Variants in SLC9C1 observed in about 807,000 individuals in gnomAD.
The protein encoded by SLC9C1 is sodium/hydrogen exchanger 10.
SLC9C1 carries 97 observed loss-of-function variants against 140.9 expected under a neutral mutation model. That is an observed-to-expected ratio of 0.69 (90% confidence interval 0.58 to 0.82). The LOEUF (loss-of-function observed/expected upper bound fraction) is 0.82, where lower values mean the gene tolerates loss of function less well. Ranked by LOEUF, SLC9C1 falls within the 40% of genes least tolerant of loss-of-function variation. SLC9C1 has a pLI of 0.00. For synonymous variants in SLC9C1, 440 were observed against 442.6 expected (o/e 0.99, Z 0.07); for missense variants, 1,340 against 1,389.3 (o/e 0.96, Z 0.56).
intron 26 of SLC9C1, among the ~76,000 whole-genome samples, chr3:112,165,486 A>C (rs2077108061): frequency 6.6e-6 from 1 of 152,054 alleles, no homozygotes; most frequent in Admixed American, 6.5e-5. Flanking sequence ...TTTCCTTCTA[A>C]CAGTCAGGAC....
intron 20 of SLC9C1, 39 bp from the exon 21 acceptor site, chr3:112,182,297 G>T (rs1476990987): frequency 3.2e-6 from 5 of 1,569,976 alleles, no homozygotes; most frequent in Non-Finnish European, 4.3e-6. Flanking sequence ...GAACCAAACT[G>T]CTGTTCCCAG....
intron 21 of SLC9C1, among the ~76,000 whole-genome samples, chr3:112,181,135 A>ACC (rs2077432421): frequency 6.6e-6 from 1 of 152,254 alleles, no homozygotes; most frequent in Admixed American, 6.5e-5. Context: ...TATTAGTAAT[A>ACC]AGTTTGTAAC....
At chr3:112,280,889 A>ACCTGTTTTCT in intron 2 of SLC9C1, 106 bp from the exon 3 acceptor site, 1 of 955,342 alleles carries the variant, frequency 1.0e-6, no homozygotes, top group South Asian at 1.5e-5. Context: ...CAGTTTCACT[A>ACCTGTTTTCT]CTTTTCATGA....
intron 16 of SLC9C1, 88 bp downstream of exon 16, chr3:112,208,090 T>C (rs1229973083): frequency 4.8e-6 from 5 of 1,047,880 alleles, no homozygotes; most frequent in South Asian, 4.5e-5. Flanking sequence ...CTTCAGAAAA[T>C]TGTCTGTTGC....
intron 16 of SLC9C1, 137 bp from the exon 17 acceptor site, chr3:112,204,540 A>T (rs2077993488): frequency 2.5e-6 from 2 of 809,482 alleles, no homozygotes; most frequent in Non-Finnish European, 3.7e-6. Context: ...GGAAACCAAA[A>T]TCAAACAAAC....
chr3:112,218,461 C>T (rs1157359185), intron 14 of SLC9C1, among the ~76,000 whole-genome samples: 1 of 150,022 alleles, frequency 6.7e-6, no homozygotes, highest in Non-Finnish European at 1.5e-5. Flanking sequence ...TTTTTTACTA[C>T]AGGGATACTA....
chr3:112,191,433 A>G (rs994790809), intron 20 of SLC9C1, among the ~76,000 whole-genome samples: 2 of 152,206 alleles, frequency 1.3e-5, no homozygotes, highest in South Asian at 2.1e-4. Flanking sequence ...TGCCTTTTCT[A>G]TATCAATTGG....
chr3:112,186,048 T>C, intron 20 of SLC9C1: 1 of 1,233,644 alleles, frequency 8.1e-7, no homozygotes, highest in Non-Finnish European at 1.1e-6. Context: ...TATCTTCCGC[T>C]GCACAGTGCA....
intron 13 of SLC9C1, among the ~76,000 whole-genome samples, chr3:112,229,639 G>T (rs982074870): frequency 1.3e-5 from 2 of 152,038 alleles, no homozygotes; most frequent in Admixed American, 1.3e-4. Flanking sequence ...GCGTGTATGT[G>T]TGTGTGTATA....
intron 1 of SLC9C1, among the ~76,000 whole-genome samples, chr3:112,291,510 A>T (rs1345638083): frequency 1.3e-5 from 2 of 152,236 alleles, no homozygotes; most frequent in Admixed American, 1.3e-4. Context: ...AGCATATGAA[A>T]AAAAAAGCTT....
intron 11 of SLC9C1, 93 bp downstream of exon 11, chr3:112,243,902 G>A: frequency 1.1e-6 from 1 of 874,262 alleles, no homozygotes; most frequent in Non-Finnish European, 1.7e-6. Context: ...ATGTTGCCTA[G>A]GCTGTATATG....
At chr3:112,172,574 C>T (rs1256484641) in intron 23 of SLC9C1, among the ~76,000 whole-genome samples, 3 of 151,962 alleles carry the variant, frequency 2.0e-5, no homozygotes, top group Non-Finnish European at 2.9e-5. Flanking sequence ...GTTAACAACT[C>T]CAATATAATA....
Position 112,204,274 on chromosome 3 carries a change from C to T in SLC9C1, c.2116G>A (p.Glu706Lys), listed in dbSNP as rs1295269893. The change falls in exon 17 of 29, where the codon GAA becomes AAA. Residue 706 changes from glutamate to lysine, a missense_variant. Coordinates refer to ENST00000305815, the MANE Select transcript of SLC9C1 (RefSeq NM_183061.3). ...DTIKYIFNETEVIVFIKVVQF... is the reference protein window; with the variant it reads ...DTIKYIFNETKVIVFIKVVQF... ...ACAACTTTTATAAAGACTATTACTT[C>T]AGTCTCATTAAAAATATACTTAATG... The T allele has an allele frequency of 6.5e-7, 1 of 1,549,628 alleles. No homozygotes were observed. The highest frequency in any genetic ancestry group is 8.6e-7 in the Non-Finnish European group (1 of 1,157,132).
chr3:112,192,203 C>T (rs2077677734), intron 20 of SLC9C1, among the ~76,000 whole-genome samples: 1 of 152,118 alleles, frequency 6.6e-6, no homozygotes, highest in Non-Finnish European at 1.5e-5. Flanking sequence ...CCATCCATCT[C>T]CAGAATTCTT....
intron 2 of SLC9C1, among the ~76,000 whole-genome samples, chr3:112,282,996 A>G (rs1559751883): frequency 6.6e-6 from 1 of 152,368 alleles, no homozygotes; most frequent in South Asian, 2.1e-4. Flanking sequence ...CAAATTTGTG[A>G]AATAAATGCA....
Position 112,270,048 on chromosome 3 carries a change from A to G in SLC9C1, c.643T>C (p.Tyr215His). The G allele has an allele frequency of 6.3e-7, 1 of 1,577,936 alleles. No individual in the cohort carries two copies. Among genetic ancestry groups the G allele is most frequent in the South Asian group, 1.2e-5 (1 of 83,388 alleles). The change falls in exon 7 of 29, where the codon TAT becomes CAT. Residue 215 changes from tyrosine to histidine, a missense_variant. Physicochemically the swap from Tyr to His is moderately conservative, Grantham distance 83. Coordinates refer to ENST00000305815, the MANE Select transcript of SLC9C1 (RefSeq NM_183061.3). ...AEEIVGGICS[Y>H]IIASFLFGIL... ...CCAAACAAGAAACTTGCTATAATAT[A>G]TGAACAAATTCCACCCACGATCTCT...
In SLC9C1 at chr3:112,177,029, TAG is replaced by T. The variant is rs542607453; in HGVS notation, c.2919+2500_2919+2501del. Among the ~76,000 whole-genome samples, 119 of 139,446 alleles carry T rather than the reference TAG, an allele frequency of 8.5e-4. 1 individual carries two copies. Among genetic ancestry groups the T allele is most frequent in the African/African-American group, 3.1e-3 (114 of 36,846 alleles). The allele number at this position is 139,446 out of a possible 152,430, so 91.5% of individuals were successfully genotyped here. A position where few individuals can be genotyped will look rare whatever the true frequency, so the allele number is the denominator to read the frequency against. Reference sequence around the variant, plus strand: ...TCTTTTTTTTTTTTTTTTTTGGTGATAGAGTCTTTCTCTGTCACCCAGGCTGG... The same window carrying T: ...TCTTTTTTTTTTTTTTTTTTGGTGATAGTCTTTCTCTGTCACCCAGGCTGG... On this transcript the variant is annotated intron_variant, in intron 23 of 28. Coordinates refer to ENST00000305815, the MANE Select transcript of SLC9C1 (RefSeq NM_183061.3).
intron 12 of SLC9C1, among the ~76,000 whole-genome samples, chr3:112,239,541 A>C (rs1187827190): frequency 6.6e-6 from 1 of 152,216 alleles, no homozygotes; most frequent in Non-Finnish European, 1.5e-5. Flanking sequence ...CGTCTTCTGC[A>C]TCACTCATGC....
chr3:112,259,394 CT>C (rs1259465678), intron 10 of SLC9C1, among the ~76,000 whole-genome samples: 3 of 149,002 alleles, frequency 2.0e-5, no homozygotes, highest in Non-Finnish European at 3.0e-5. Context: ...CAACAAACCA[CT>C]GTGACATGAG....
Sources: allele counts gnomAD v4.1 joint callset (sites outside exome capture counted in the v4.1 genomes callset), GRCh38; gene constraint gnomAD v4.1.1; transcripts MANE v1.5; gene names NCBI Gene and HGNC (gene_info 2026-07-23, HGNC 2026-07-21).